Variants in FCRL4 observed in about 807,000 individuals in gnomAD.
FCRL4 encodes the protein Fc receptor-like protein 4.
A neutral mutation model predicts 64.1 loss-of-function variants in FCRL4; 43 were observed. That is an observed-to-expected ratio of 0.67 (90% CI 0.53 to 0.87). FCRL4 has a LOEUF of 0.87. Ranked by LOEUF, FCRL4 falls within the 40% of genes least tolerant of loss-of-function variation. The pLI is 0.00. For synonymous variants in FCRL4, 253 were observed against 239.8 expected, an observed-to-expected ratio of 1.05 and a Z score of -0.51; for missense variants, 656 against 613.5, an observed-to-expected ratio of 1.07 and a Z score of -0.73.
At chr1:157,587,225 G>A (rs781641084) in intron 5 of FCRL4, 51 bp downstream of exon 5, 25 of 1,590,774 alleles carry the variant, frequency 1.6e-5, no homozygotes, top group Non-Finnish European at 2.1e-5. Context: ...TGCCTACAGA[G>A]CCCAAGGGGC....
Position 157,578,786 on chromosome 1 carries a change from C to T in FCRL4, c.1344G>A (p.Gln448=), listed in dbSNP as rs1423563955. The change falls in exon 9 of 12, where the codon CAG becomes CAA. Residue 448 remains glutamine (Q), a synonymous_variant. Coordinates refer to ENST00000271532, the MANE Select transcript of FCRL4 (RefSeq NM_031282.3). ...AATCCTCACCATCAACATACAACGA[C>T]TGAAGCTCCACCTGGGCAGGGCAGA... ...HSICPAQVEL[Q]SLYVDVHPKK... 1 of 1,614,054 alleles carries T rather than the reference C, an allele frequency of 6.2e-7. No homozygotes were observed. Among genetic ancestry groups the T allele is most frequent in the Admixed American group, 1.7e-5 (1 of 60,026 alleles).
chr1:157,578,432 A>G (rs778910322), intron 10 of FCRL4, 42 bp downstream of exon 10: 5 of 1,488,496 alleles, frequency 3.4e-6, no homozygotes, highest in Non-Finnish European at 3.8e-6. Flanking sequence ...TGTTGAATGA[A>G]TGAATATAGT....
Position 157,575,607 on chromosome 1 carries a change from C to T in FCRL4, c.1465G>A (p.Val489Ile). Residue 489 changes from valine to isoleucine, a missense_variant, in exon 12 of 12, where the codon GTC becomes ATC. Coordinates refer to ENST00000271532, the MANE Select transcript of FCRL4 (RefSeq NM_031282.3). The stretch of plus-strand genomic sequence containing the variant: ...TTTACCTCAGAGTAGACAACTGAGA[C>T]ATCCTGAAATGGAAGAAAGAAGTGG... ...TSRTLLEDKD[V>I]SVVYSEVKTQ... 6.2e-7 allele frequency: 1 copy of T among 1,613,456 alleles called. No homozygotes were observed. The highest frequency in any genetic ancestry group is 8.5e-7 in the Non-Finnish European group (1 of 1,179,480).
chr1:157,582,946 T>C (rs1436466410), intron 6 of FCRL4, among the ~76,000 whole-genome samples: 1 of 152,196 alleles, frequency 6.6e-6, no homozygotes, highest in East Asian at 1.9e-4. Flanking sequence ...GGCCTAGGAT[T>C]CTAGACTCAA....
intron 3 of FCRL4, 149 bp from the exon 4 acceptor site, chr1:157,588,268 G>T: frequency 1.2e-6 from 1 of 838,140 alleles, no homozygotes; most frequent in Non-Finnish European, 1.8e-6. Context: ...CTAAATCAGT[G>T]TAACATGCTT....
At chr1:157,596,409 G>A (rs368397211) in intron 1 of FCRL4, 61 bp from the exon 2 acceptor site, 7 of 1,590,114 alleles carry the variant, frequency 4.4e-6, no homozygotes, top group Non-Finnish European at 5.2e-6. Flanking sequence ...TATTCACCCT[G>A]AGAGCCCATA....
At chr1:157,588,247 C>G in intron 3 of FCRL4, 128 bp from the exon 4 acceptor site, 1 of 1,060,028 alleles carries the variant, frequency 9.4e-7, no homozygotes, top group Non-Finnish European at 1.3e-6. Context: ...TCCAAGCTCA[C>G]GAAACTCCTC....
intron 2 of FCRL4, among the ~76,000 whole-genome samples, chr1:157,591,298 T>C (rs1652834754): frequency 6.6e-6 from 1 of 152,140 alleles, no homozygotes; most frequent in Non-Finnish European, 1.5e-5. Flanking sequence ...GTTTCTTCTG[T>C]TGATCTTTAA....
At chr1:157,585,344 C>CTT (rs72007539) in intron 6 of FCRL4, among the ~76,000 whole-genome samples, 2,449 of 81,122 alleles carry the variant, frequency 0.03, 81 homozygotes, top group Non-Finnish European at 0.034. Context: ...CTTTCTCTCT[C>CTT]TCTTTCTTTC....
chr1:157,588,136 G>T lies in FCRL4; in HGVS notation c.308-17C>A. On this transcript the variant is annotated splice_polypyrimidine_tract_variant and intron_variant, in intron 3 of 11. Transcript: ENST00000271532. ...TTAAGGAGTCTGGAAAAGACACAGA[G>T]AGGAGATCGTCATTCAAAGCATTCC... 1 of 1,583,384 alleles carries T rather than the reference G, an allele frequency of 6.3e-7. No homozygotes were observed. Among genetic ancestry groups the T allele is most frequent in the East Asian group, 2.2e-5 (1 of 44,550 alleles).
chr1:157,581,441 GTGGTGGCC>G, intron 7 of FCRL4, 82 bp downstream of exon 7: 1 of 990,794 alleles, frequency 1.0e-6, no homozygotes, highest in Non-Finnish European at 1.6e-6. Context: ...AGACTTGGGA[GTGGTGGCC>G]TGGTGGCCAC....
Position 157,574,424 on chromosome 1 carries a change from TTCCA to T in FCRL4, c.*1096_*1099del, listed in dbSNP as rs1306033804. 9.4e-6 allele frequency: 2 copies of T among 213,426 alleles called. No individual in the cohort carries two copies. Among genetic ancestry groups the T allele is most frequent in the Non-Finnish European group, 1.9e-5 (2 of 105,648 alleles). The allele number at this position is 213,426 out of a possible 1,614,324, so 13.2% of individuals were successfully genotyped here. On this transcript the variant is annotated 3_prime_UTR_variant, in exon 12 of 12. Coordinates refer to ENST00000271532, the MANE Select transcript of FCRL4 (RefSeq NM_031282.3). ...ATAATTTGTAGGTGGTATTGTACAC[TTCCA>T]TCAGGAGACCTCTAATATTTGGCTG...
Position 157,596,357 on chromosome 1 carries a change from G to T in FCRL4, c.32-9C>A. On this transcript the variant is annotated splice_polypyrimidine_tract_variant and intron_variant, in intron 1 of 11. Transcript: ENST00000271532. ...TTGTCCACAGACTGGAGCTGAAAGA[G>T]AGTAAAGAGCCAGCCATCAGCGTAG... The T allele has an allele frequency of 6.2e-7, 1 of 1,613,980 alleles. No individual in the cohort carries two copies. The highest frequency in any genetic ancestry group is 1.3e-5 in the African/African-American group (1 of 75,044).
chr1:157,589,055 T>C (rs1652773642), intron 3 of FCRL4, 149 bp downstream of exon 3: 1 of 853,928 alleles, frequency 1.2e-6, no homozygotes, highest in Non-Finnish European at 1.8e-6. Context: ...TGAAAAACAT[T>C]TGTAGACATT....
chr1:157,592,969 G>A (rs762987448), intron 2 of FCRL4, among the ~76,000 whole-genome samples: 8 of 152,128 alleles, frequency 5.3e-5, no homozygotes, highest in Middle Eastern at 6.8e-3. Context: ...CATCATTCTC[G>A]GCAACCTATC....
In FCRL4 at chr1:157,587,893, T is replaced by C. The variant is rs1652739714; in HGVS notation, c.534A>G (p.Arg178=). The C allele has an allele frequency of 1.2e-6, 2 of 1,608,642 alleles. No individual in the cohort carries two copies. Among genetic ancestry groups the C allele is most frequent in the Non-Finnish European group, 1.7e-6 (2 of 1,175,984 alleles). The part of the protein sequence containing the change: ...IGYGDENDVF[R]SNFKIIKIQE... Reference sequence around the variant, plus strand: ...GAATTTTAATTATTTTGAAATTTGATCTAAATACATCATTCTCGTCTCCAT... The same window carrying C: ...GAATTTTAATTATTTTGAAATTTGACCTAAATACATCATTCTCGTCTCCAT... Residue 178 remains arginine, a synonymous_variant, in exon 4 of 12, where the codon AGA becomes AGG. Coordinates refer to ENST00000271532, the MANE Select transcript of FCRL4 (RefSeq NM_031282.3).
Position 157,574,180 on chromosome 1 carries a change from T to C in FCRL4, c.*1344A>G. 1 of 221,828 alleles carries C rather than the reference T, an allele frequency of 4.5e-6. No homozygotes were observed. Among genetic ancestry groups the C allele is most frequent in the Non-Finnish European group, 9.0e-6 (1 of 110,918 alleles). 13.7% of individuals were successfully genotyped at this position (221,828 alleles called of 1,614,324 possible). On this transcript the variant is annotated 3_prime_UTR_variant, in exon 12 of 12. Coordinates refer to ENST00000271532, the MANE Select transcript of FCRL4 (RefSeq NM_031282.3). Reference sequence around the variant, plus strand: ...TCATTTTTCTTTTCTTCTCTCTCCCTTTCTTCCTCCCTCTCTTCTTTTTAT... The same window carrying C: ...TCATTTTTCTTTTCTTCTCTCTCCCCTTCTTCCTCCCTCTCTTCTTTTTAT...
At chr1:157,579,504 G>A (rs1463415345) in intron 8 of FCRL4, among the ~76,000 whole-genome samples, 1 of 152,140 alleles carries the variant, frequency 6.6e-6, no homozygotes, top group Non-Finnish European at 1.5e-5. Context: ...ATCACTTGAA[G>A]CCAGGAGTTT....
rs773486695 is a variant in FCRL4 at position 157,587,387 on chromosome 1, G to T, written c.736C>A (p.Leu246Ile). 1 of 1,614,248 alleles carries T rather than the reference G, an allele frequency of 6.2e-7. No homozygotes were observed. Among genetic ancestry groups the T allele is most frequent in the East Asian group, 2.2e-5 (1 of 44,888 alleles). Residue 246 changes from leucine to isoleucine, a missense_variant, in exon 5 of 12, where the codon CTC becomes ATC. Leu to Ile is a conservative substitution (Grantham distance 5). Coordinates refer to ENST00000271532, the MANE Select transcript of FCRL4 (RefSeq NM_031282.3). ...ILSDWSTYPE[L>I]QLPTVWRENS... ...TCTCTCCAGACGGTTGGGAGCTGGA[G>T]TTCCGGGTACGTGCTCCAGTCTGAC...
Sources: gnomAD v4.1 joint callset for allele counts (sites outside exome capture counted in the v4.1 genomes callset) on GRCh38, gnomAD v4.1.1 for gene constraint, MANE v1.5 for transcripts, NCBI Gene and HGNC (gene_info 2026-07-23, HGNC 2026-07-21) for gene names.